MCTP2: variants seen among roughly 807,000 people sequenced by gnomAD.
The protein encoded by MCTP2 is multiple C2 and transmembrane domain-containing protein 2.
MCTP2 carries 132 observed loss-of-function variants against 111.6 expected under a neutral mutation model. That is an observed-to-expected ratio of 1.18 (90% CI 1.03 to 1.37). The LOEUF (loss-of-function observed/expected upper bound fraction) is 1.37. Ranked by LOEUF, MCTP2 falls within the 40% of genes most tolerant of loss-of-function variation. The probability of loss-of-function intolerance (pLI) is 0.00; values close to 1 mark genes in which losing one functional copy is unlikely to be tolerated. For missense variants in MCTP2, 1,183 were observed against 1,067.9 expected, an observed-to-expected ratio of 1.11 and a Z score of -1.50; for synonymous variants, 395 against 387.7, an observed-to-expected ratio of 1.02 and a Z score of -0.22.
chr15:94,421,160 A>G (rs538114786), intron 17 of MCTP2, among the ~76,000 whole-genome samples: 4 of 151,760 alleles, frequency 2.6e-5, no homozygotes, highest in Middle Eastern at 3.4e-3. Context: ...CTTTTTAGAC[A>G]TACGCTGTTG....
intron 1 of MCTP2, among the ~76,000 whole-genome samples, chr15:94,276,954 A>C (rs2074250118): frequency 6.6e-6 from 1 of 151,490 alleles, no homozygotes. Flanking sequence ...GCCCAAAAAA[A>C]AAAAAAAAAA....
At chr15:94,370,728 G>A (rs981602456) in intron 12 of MCTP2, among the ~76,000 whole-genome samples, 2 of 152,132 alleles carry the variant, frequency 1.3e-5, no homozygotes, top group South Asian at 2.1e-4. Context: ...GACATGCTTT[G>A]TGCTGGATTA....
chr15:94,324,800 CTTA>C (rs1049932842), intron 4 of MCTP2, among the ~76,000 whole-genome samples: 1 of 151,920 alleles, frequency 6.6e-6, no homozygotes, highest in Non-Finnish European at 1.5e-5. Flanking sequence ...TAATTGTTAT[CTTA>C]TTGTTTATTA....
intron 19 of MCTP2, among the ~76,000 whole-genome samples, chr15:94,445,221 A>C (rs1469630997): frequency 6.6e-6 from 1 of 152,190 alleles, no homozygotes; most frequent in Non-Finnish European, 1.5e-5. Context: ...ACCTGTCCCA[A>C]GTTGAGGGTG....
intron 19 of MCTP2, among the ~76,000 whole-genome samples, chr15:94,446,583 G>T (rs975789529): frequency 2.0e-5 from 3 of 152,214 alleles, no homozygotes; most frequent in African/African-American, 4.8e-5. Context: ...TTTCATTACA[G>T]AAGGTATAAA....
At chr15:94,274,284 T>A (rs1322722464) in intron 1 of MCTP2, among the ~76,000 whole-genome samples, 1 of 152,150 alleles carries the variant, frequency 6.6e-6, no homozygotes, top group Admixed American at 6.5e-5. Flanking sequence ...AGAGGGAAAT[T>A]TATAACATCA....
intron 12 of MCTP2, among the ~76,000 whole-genome samples, chr15:94,374,057 C>G (rs1225314629): frequency 1.3e-5 from 2 of 152,130 alleles, no homozygotes; most frequent in South Asian, 4.1e-4. Flanking sequence ...AAAAGAGAAA[C>G]ATTTTATTCT....
At position 94,340,359 on chromosome 15, in the gene MCTP2, A is replaced by C; in HGVS notation, c.857+84A>C. The C allele has an allele frequency of 5.2e-6, 5 of 960,590 alleles. No individual in the cohort carries two copies. The South Asian group carries it at 6.8e-5, about 13-fold the overall frequency. 59.5% of individuals were successfully genotyped at this position (960,590 alleles called of 1,614,324 possible). ...TGTTAAATGGTGCTTGTTGAGGTCA[A>C]ATGACAAAAATAACATATCTGAACA... On this transcript the variant is annotated intron_variant, in intron 6 of 22. Transcript: ENST00000357742.
intron 1 of MCTP2, among the ~76,000 whole-genome samples, chr15:94,246,352 A>T (rs1455262898): frequency 6.6e-6 from 1 of 152,150 alleles, no homozygotes; most frequent in Non-Finnish European, 1.5e-5. Context: ...TTTATTCGTC[A>T]GTGAATGAGT....
At chr15:94,311,229 G>A (rs530310586) in intron 2 of MCTP2, among the ~76,000 whole-genome samples, 1 of 152,008 alleles carries the variant, frequency 6.6e-6, no homozygotes, top group Non-Finnish European at 1.5e-5. Context: ...GGTTTGCCAT[G>A]TTGGCCAGGC....
In MCTP2 at chr15:94,430,494, G is replaced by A. The variant is rs1216410117; in HGVS notation, c.2086-9682G>A. 2.0e-5 allele frequency among the ~76,000 whole-genome samples: 3 copies of A among 150,448 alleles called. No homozygotes were observed. In the East Asian group the frequency reaches 5.9e-4, roughly 29 times the overall value. ...TGCCTGTAATCCTAGCACATTGGGA[G>A]GGTGAGGTGGGAGGATAACTTGAGG... On this transcript the variant is annotated intron_variant, in intron 17 of 22. Coordinates refer to ENST00000357742, the MANE Select transcript of MCTP2 (RefSeq NM_001385001.1).
chr15:94,245,417 CATGTGTGTATATATTTAT>C lies in MCTP2; in HGVS notation c.-66+13756_-66+13773del, dbSNP rs1567265240. On this transcript the variant is annotated intron_variant, in intron 1 of 22. Coordinates refer to ENST00000357742, the MANE Select transcript of MCTP2 (RefSeq NM_001385001.1). Reference sequence around the variant, plus strand: ...ATACATGTGTGTATATATTTATATACATGTGTGTATATATTTATATATACACATATATGTATATGTATT... The same window carrying C: ...ATACATGTGTGTATATATTTATATACATATACACATATATGTATATGTATT... Among the ~76,000 whole-genome samples, 302 of 72,432 alleles carry C rather than the reference CATGTGTGTATATATTTAT, an allele frequency of 4.2e-3. 2 individuals carry two copies. Among genetic ancestry groups the C allele is most frequent in the Middle Eastern group, 0.015 (1 of 66 alleles). The allele number at this position is 72,432 out of a possible 152,430, so 47.5% of individuals were successfully genotyped here.
Position 94,298,388 on chromosome 15 carries a change from G to C in MCTP2, c.123G>C (p.Arg41Ser). Residue 41 changes from arginine to serine, a missense_variant, in exon 2 of 23, where the codon AGG becomes AGC. Coordinates refer to ENST00000357742, the MANE Select transcript of MCTP2 (RefSeq NM_001385001.1). ...GTAAGCCCCCAGATCTACGGGCAAG[G>C]CATCACTTGGACCGCCGTCTCAGCC... ...NPSKPPDLRARHHLDRRLSLS... is the reference protein window; with the variant it reads ...NPSKPPDLRASHHLDRRLSLS... 6.2e-7 allele frequency: 1 copy of C among 1,614,180 alleles called. No homozygotes were observed. Among genetic ancestry groups the C allele is most frequent in the Middle Eastern group, 1.6e-4 (1 of 6,062 alleles).
chr15:94,330,841 C>T (rs1250107896), intron 4 of MCTP2, among the ~76,000 whole-genome samples: 1 of 144,512 alleles, frequency 6.9e-6, no homozygotes, highest in Non-Finnish European at 1.5e-5. Context: ...CTCAAGCAGT[C>T]CCCCGACTTT....
intron 1 of MCTP2, among the ~76,000 whole-genome samples, chr15:94,239,878 A>C (rs2070813454): frequency 6.6e-6 from 1 of 152,198 alleles, no homozygotes; most frequent in South Asian, 2.1e-4. Flanking sequence ...GTTTGATCAG[A>C]TAGGTGTGGC....
At chr15:94,444,666 G>A (rs575771633) in intron 19 of MCTP2, among the ~76,000 whole-genome samples, 6 of 152,182 alleles carry the variant, frequency 3.9e-5, no homozygotes, top group Non-Finnish European at 7.3e-5. Context: ...AAAGATGTTC[G>A]TATCTCTCTT....
At chr15:94,238,630 G>C (rs917768533) in intron 1 of MCTP2, among the ~76,000 whole-genome samples, 1 of 152,178 alleles carries the variant, frequency 6.6e-6, no homozygotes, top group Non-Finnish European at 1.5e-5. Context: ...AGAGCTTACA[G>C]TTGAGAGGGG....
At chr15:94,405,489 G>C (rs756954389) in intron 17 of MCTP2, among the ~76,000 whole-genome samples, 1 of 152,154 alleles carries the variant, frequency 6.6e-6, no homozygotes, top group Non-Finnish European at 1.5e-5. Flanking sequence ...ATGGTGTCTC[G>C]TCAGAAGTGG....
rs769952678 is a variant in MCTP2, at chr15:94,340,773, T to C, written c.858-40T>C. The C allele has an allele frequency of 1.0e-5, 13 of 1,292,428 alleles. No homozygotes were observed. In the Admixed American group the frequency reaches 2.2e-4, roughly 22 times the overall value. 80.1% of individuals were successfully genotyped at this position (1,292,428 alleles called of 1,614,324 possible). A position where few individuals can be genotyped will look rare whatever the true frequency, so the allele number is the denominator to read the frequency against. On this transcript the variant is annotated intron_variant, in intron 6 of 22. Coordinates refer to ENST00000357742, the MANE Select transcript of MCTP2 (RefSeq NM_001385001.1). ...ATGCGTGTAGGTCAATACAGTCCTG[T>C]CAATAAGTGGTAGCATTATTTGTTG...
Sources: gnomAD v4.1 joint callset for allele counts (sites outside exome capture counted in the v4.1 genomes callset) on GRCh38, gnomAD v4.1.1 for gene constraint, MANE v1.5 for transcripts, NCBI Gene and HGNC (gene_info 2026-07-23, HGNC 2026-07-21) for gene names.